The following NDST3 variants were observed in gnomAD, a reference collection of about 807,000 sequenced individuals.
The protein encoded by NDST3 is bifunctional heparan sulfate N-deacetylase/N-sulfotransferase 3.
A neutral mutation model predicts 96.1 loss-of-function variants in NDST3; 58 were observed. The observed-to-expected ratio is 0.60, with a 90% CI of 0.49 to 0.75. The LOEUF is 0.75. Ranked by LOEUF, NDST3 falls within the 30% of genes least tolerant of loss-of-function variation. The pLI, the probability that NDST3 is intolerant of heterozygous loss-of-function variation, is 0.00. For missense variants in NDST3, 788 were observed against 1,034.2 expected (o/e 0.76, Z 3.27); for synonymous variants, 333 against 359.7 (o/e 0.93, Z 0.84).
At chr4:118,085,066 T>C (rs1367373582) in intron 2 of NDST3, among the ~76,000 whole-genome samples, 1 of 152,096 alleles carries the variant, frequency 6.6e-6, no homozygotes, top group African/African-American at 2.4e-5. Context: ...GAGGTTGCAG[T>C]GAGCTGAGAT....
chr4:118,235,229 GT>G (rs1187518997), intron 9 of NDST3, among the ~76,000 whole-genome samples: 3 of 152,166 alleles, frequency 2.0e-5, no homozygotes, highest in Non-Finnish European at 4.4e-5. Flanking sequence ...AAACACTCCA[GT>G]TTGTTCACTA....
Position 118,089,413 on chromosome 4 carries a change from T to C in NDST3, c.982-15605T>C, listed in dbSNP as rs571807244. Among the ~76,000 whole-genome samples the C allele has an allele frequency of 7.9e-5, 12 of 152,106 alleles. No individual in the cohort carries two copies. In the East Asian group the frequency reaches 1.7e-3, roughly 22 times the overall value. ...GACTTCTGGTGTCACTAAAAGGTCA[T>C]TGATTTACATCTGAACTGGGTCACT... On this transcript the variant is annotated intron_variant, in intron 2 of 13. Transcript: ENST00000296499.
At chr4:118,144,491 T>C (rs1297533474) in intron 6 of NDST3, among the ~76,000 whole-genome samples, 1 of 152,174 alleles carries the variant, frequency 6.6e-6, no homozygotes, top group East Asian at 1.9e-4. Flanking sequence ...GGCTACTCTT[T>C]TACTTCTTCA....
At chr4:118,224,443 G>C in intron 6 of NDST3, 48 bp from the exon 7 acceptor site, 2 of 1,523,538 alleles carry the variant, frequency 1.3e-6, no homozygotes, top group Admixed American at 1.8e-5. Context: ...CTGCCCTCTA[G>C]TGTCAAAATA....
chr4:118,231,204 C>A (rs942122876), intron 8 of NDST3, among the ~76,000 whole-genome samples: 9 of 151,782 alleles, frequency 5.9e-5, no homozygotes, highest in Non-Finnish European at 1.3e-4. Context: ...GGCATGGTGG[C>A]AGGTGCCTGT....
chr4:118,089,402 C>T (rs1304601536), intron 2 of NDST3, among the ~76,000 whole-genome samples: 2 of 151,864 alleles, frequency 1.3e-5, no homozygotes, highest in Admixed American at 1.3e-4. Context: ...TCTGGTGTCA[C>T]TAAAAGGTCA....
At chr4:118,160,503 C>G (rs1385959760) in intron 6 of NDST3, among the ~76,000 whole-genome samples, 1 of 151,284 alleles carries the variant, frequency 6.6e-6, no homozygotes, top group Non-Finnish European at 1.5e-5. Context: ...AAAAAGTGAG[C>G]AAGGGACATG....
intron 6 of NDST3, among the ~76,000 whole-genome samples, chr4:118,188,394 T>C: frequency 6.6e-6 from 1 of 151,220 alleles, no homozygotes; most frequent in East Asian, 1.9e-4. Flanking sequence ...CTTTTAATAA[T>C]GAAAACTTTA....
intron 2 of NDST3, among the ~76,000 whole-genome samples, chr4:118,081,807 T>C (rs1040734706): frequency 2.0e-5 from 3 of 152,156 alleles, no homozygotes; most frequent in African/African-American, 7.2e-5. Flanking sequence ...ACTCAATTTG[T>C]CAGATAAAAA....
At chr4:118,075,517 G>A (rs566924880) in intron 2 of NDST3, among the ~76,000 whole-genome samples, 2 of 151,582 alleles carry the variant, frequency 1.3e-5, no homozygotes, top group African/African-American at 4.8e-5. Context: ...CCCACCAACA[G>A]TGTAAAAGTG....
intron 6 of NDST3, among the ~76,000 whole-genome samples, chr4:118,178,373 T>C (rs1043154979): frequency 9.9e-5 from 15 of 152,024 alleles, no homozygotes; most frequent in African/African-American, 3.6e-4. Context: ...TACTATTCTG[T>C]TTTATGTCTC....
At chr4:118,109,249 A>T (rs1318107194) in intron 3 of NDST3, among the ~76,000 whole-genome samples, 2 of 152,190 alleles carry the variant, frequency 1.3e-5, no homozygotes, top group Admixed American at 6.5e-5. Context: ...ATAAAGGAAA[A>T]TTATCATATG....
chr4:118,040,377 A>C (rs2110423299), intron 1 of NDST3, among the ~76,000 whole-genome samples: 1 of 152,190 alleles, frequency 6.6e-6, no homozygotes, highest in Admixed American at 6.5e-5. Context: ...CATCTAAGGA[A>C]AGGGGGAGGG....
At chr4:118,237,846 T>C (rs1340215314) in intron 10 of NDST3, among the ~76,000 whole-genome samples, 3 of 152,126 alleles carry the variant, frequency 2.0e-5, no homozygotes, top group Non-Finnish European at 4.4e-5. Context: ...TGGTGGCTCA[T>C]GCCTGTAATC....
chr4:118,199,526 G>T (rs1181698285), intron 6 of NDST3, among the ~76,000 whole-genome samples: 4 of 152,096 alleles, frequency 2.6e-5, no homozygotes, highest in Admixed American at 6.5e-5. Flanking sequence ...TGTCTGAAAG[G>T]TCACATATCC....
chr4:118,212,732 T>A (rs1738885693), intron 6 of NDST3, among the ~76,000 whole-genome samples: 2 of 152,318 alleles, frequency 1.3e-5, no homozygotes, highest in South Asian at 4.1e-4. Flanking sequence ...TTATTTTTTC[T>A]ATACATGAGG....
At position 118,122,298 on chromosome 4, in the gene NDST3, T is replaced by C. The variant is rs11938502; in HGVS notation, c.1224+7338T>C. On this transcript the variant is annotated intron_variant, in intron 4 of 13. Coordinates refer to ENST00000296499, the MANE Select transcript of NDST3 (RefSeq NM_004784.3). Reference sequence around the variant, plus strand: ...CTCCCGAATTTTCACTGCTCTTTCCTTTTACGCCTTTCATTTACTTAAGAT... The same window carrying C: ...CTCCCGAATTTTCACTGCTCTTTCCCTTTACGCCTTTCATTTACTTAAGAT... Among the ~76,000 whole-genome samples, 747 of 152,248 alleles carry C rather than the reference T, an allele frequency of 4.9e-3. 8 individuals are homozygous for C. Among genetic ancestry groups the C allele is most frequent in the African/African-American group, 0.017 (716 of 41,560 alleles).
At chr4:118,197,011 T>C (rs1737739460) in intron 6 of NDST3, among the ~76,000 whole-genome samples, 1 of 151,990 alleles carries the variant, frequency 6.6e-6, no homozygotes, top group Non-Finnish European at 1.5e-5. Context: ...TTTTGCTGTA[T>C]TCCATACAAC....
At chr4:118,194,298 C>G (rs1315522259) in intron 6 of NDST3, 2 of 733,884 alleles carry the variant, frequency 2.7e-6, no homozygotes, top group East Asian at 4.9e-5. Context: ...GTCTGTAATT[C>G]TGTAGATGAT....
Sources: allele counts gnomAD v4.1 joint callset (sites outside exome capture counted in the v4.1 genomes callset), GRCh38; gene constraint gnomAD v4.1.1; transcripts MANE v1.5; gene names NCBI Gene and HGNC (gene_info 2026-07-23, HGNC 2026-07-21).